CCDC171: variants seen among roughly 807,000 people sequenced by gnomAD.
The protein encoded by CCDC171 is coiled-coil domain-containing protein 171.
CCDC171 carries 177 observed loss-of-function variants against 168.2 expected under a neutral mutation model. The observed-to-expected ratio is 1.05, with a 90% CI of 0.93 to 1.19. The LOEUF is 1.19. CCDC171 is among the 50% of genes most tolerant of loss of function. The pLI, the probability that CCDC171 is intolerant of heterozygous loss-of-function variation, is 0.00. For missense variants in CCDC171, 1,991 were observed against 1,539.0 expected, an observed-to-expected ratio of 1.29 and a Z score of -4.91; for synonymous variants, 687 against 540.8, an observed-to-expected ratio of 1.27 and a Z score of -3.75.
chr9:15,914,119 G>T (rs1824129347), intron 24 of CCDC171, among the ~76,000 whole-genome samples: 2 of 152,188 alleles, frequency 1.3e-5, no homozygotes, highest in Non-Finnish European at 2.9e-5. Context: ...GATGCATGGG[G>T]GTCAGGGACC....
At chr9:15,683,497 C>A (rs1290666542) in intron 10 of CCDC171, among the ~76,000 whole-genome samples, 2 of 151,612 alleles carry the variant, frequency 1.3e-5, no homozygotes, top group African/African-American at 4.8e-5. Context: ...TGTTTTTCAC[C>A]AAGAATAGGA....
chr9:15,970,099 G>A (rs919835607), intron 25 of CCDC171, among the ~76,000 whole-genome samples: 1 of 152,034 alleles, frequency 6.6e-6, no homozygotes, highest in South Asian at 2.1e-4. Context: ...GATGATTTCC[G>A]TCAGCTATTG....
rs59883669 is a variant in CCDC171 at position 15,677,925 on chromosome 9, T to TATATATATATATATATATA, written c.1077-832_1077-831insTATATATATATATATATAA. Among the ~76,000 whole-genome samples, 15 of 41,864 alleles carry TATATATATATATATATATA rather than the reference T, an allele frequency of 3.6e-4. 4 individuals are homozygous for TATATATATATATATATATA. Among genetic ancestry groups the TATATATATATATATATATA allele is most frequent in the East Asian group, 2.9e-3 (2 of 686 alleles). 27.5% of individuals were successfully genotyped at this position (41,864 alleles called of 152,430 possible). Reference sequence around the variant, plus strand: ...ATATATATATATATATATATATATATAAGAGATGTGGTCTCATTCTGTTAC... The same window carrying TATATATATATATATATATA: ...ATATATATATATATATATATATATATATATATATATATATATATAAAGAGATGTGGTCTCATTCTGTTAC... On this transcript the variant is annotated intron_variant, in intron 9 of 25. Coordinates refer to ENST00000380701, the MANE Select transcript of CCDC171 (RefSeq NM_173550.4).
At chr9:15,719,070 TTAAAGAAATTTAATA>T (rs2053281441) in intron 11 of CCDC171, among the ~76,000 whole-genome samples, 1 of 152,044 alleles carries the variant, frequency 6.6e-6, no homozygotes, top group South Asian at 2.1e-4. Context: ...TTGAGGAAAT[TTAAAGAAATTTAATA>T]TAACACAGAG....
At chr9:16,074,222 A>G in the CCDC171 span, among the ~76,000 whole-genome samples, 1 of 152,142 alleles carries the variant, frequency 6.6e-6, no homozygotes, top group East Asian at 1.9e-4. Context: ...ACACCCATCT[A>G]CTACCATCCA....
At chr9:15,594,316 C>G in intron 6 of CCDC171, 144 bp downstream of exon 6, 1 of 565,686 alleles carries the variant, frequency 1.8e-6, no homozygotes. Context: ...TTTGCTGTTA[C>G]ATGACAATAG....
intron 6 of CCDC171, among the ~76,000 whole-genome samples, chr9:15,604,424 A>G (rs192342146): frequency 6.6e-6 from 1 of 152,266 alleles, no homozygotes; most frequent in Non-Finnish European, 1.5e-5. Context: ...TTTCACGTAT[A>G]CTTTATCAGT....
chr9:15,835,874 T>C (rs892934516), intron 21 of CCDC171, among the ~76,000 whole-genome samples: 1 of 152,182 alleles, frequency 6.6e-6, no homozygotes, highest in Admixed American at 6.5e-5. Flanking sequence ...ACATGCATAT[T>C]AGTAATTTAT....
rs534177462 is a variant in CCDC171, at chr9:15,790,483, A to C, written c.3267+5789A>C. On this transcript the variant is annotated intron_variant, in intron 21 of 25. Transcript: ENST00000380701. The stretch of plus-strand genomic sequence containing the variant: ...GTAAATTTGTTTGAGTTCTTTATAG[A>C]TTCTGGATATTAGCCCTTTGTCAGA... 7.2e-5 allele frequency among the ~76,000 whole-genome samples: 11 copies of C among 152,210 alleles called. No individual in the cohort carries two copies. The East Asian group carries it at 1.4e-3, about 19-fold the overall frequency.
chr9:15,686,581 C>G (rs1347910807), intron 10 of CCDC171, among the ~76,000 whole-genome samples: 1 of 151,384 alleles, frequency 6.6e-6, no homozygotes, highest in African/African-American at 2.4e-5. Flanking sequence ...AAAAATATAC[C>G]ATGCACCCAA....
At chr9:15,715,783 A>G (rs2053037541) in intron 11 of CCDC171, among the ~76,000 whole-genome samples, 1 of 152,210 alleles carries the variant, frequency 6.6e-6, no homozygotes, top group Non-Finnish European at 1.5e-5. Context: ...TTTCTGTAGA[A>G]CTATGGATTA....
At chr9:15,830,112 A>C (rs1024598932) in intron 21 of CCDC171, among the ~76,000 whole-genome samples, 2 of 152,160 alleles carry the variant, frequency 1.3e-5, no homozygotes, top group African/African-American at 4.8e-5. Context: ...TACCCATAAA[A>C]ATCCTTGCTG....
the CCDC171 span, among the ~76,000 whole-genome samples, chr9:16,067,410 G>T: frequency 6.6e-6 from 1 of 152,088 alleles, no homozygotes; most frequent in African/African-American, 2.4e-5. Flanking sequence ...CATTTTGTAG[G>T]TTTCCTGTTC....
At chr9:15,823,605 T>C (rs1003485372) in intron 21 of CCDC171, among the ~76,000 whole-genome samples, 1 of 152,062 alleles carries the variant, frequency 6.6e-6, no homozygotes, top group African/African-American at 2.4e-5. Flanking sequence ...AGAAAAATAA[T>C]TGCAAAGAAC....
At chr9:15,811,691 G>C (rs1165821692) in intron 21 of CCDC171, among the ~76,000 whole-genome samples, 2 of 152,062 alleles carry the variant, frequency 1.3e-5, no homozygotes, top group Non-Finnish European at 2.9e-5. Flanking sequence ...ATCCTTAGGA[G>C]ACCTCAGATT....
chr9:15,627,514 T>C (rs558579896), intron 7 of CCDC171, among the ~76,000 whole-genome samples: 5 of 152,330 alleles, frequency 3.3e-5, no homozygotes, highest in Admixed American at 3.3e-4. Context: ...TCTGGTATGT[T>C]GTGTCTTTGT....
chr9:16,068,036 A>T, the CCDC171 span, among the ~76,000 whole-genome samples: 1 of 151,292 alleles, frequency 6.6e-6, no homozygotes, highest in African/African-American at 2.4e-5. Flanking sequence ...TGCAGACGAC[A>T]TGATTGTATA....
At chr9:15,898,024 A>C (rs1821132717) in intron 24 of CCDC171, among the ~76,000 whole-genome samples, 1 of 152,158 alleles carries the variant, frequency 6.6e-6, no homozygotes, top group African/African-American at 2.4e-5. Context: ...CATTATTGGA[A>C]GGCAGCTATA....
At chr9:15,671,497 A>G (rs1372714532) in intron 9 of CCDC171, among the ~76,000 whole-genome samples, 1 of 151,668 alleles carries the variant, frequency 6.6e-6, no homozygotes, top group African/African-American at 2.4e-5. Context: ...TCCTAATGCT[A>G]TCCCTCCCCC....
Sources: allele counts gnomAD v4.1 joint callset (sites outside exome capture counted in the v4.1 genomes callset), GRCh38; gene constraint gnomAD v4.1.1; transcripts MANE v1.5; gene names NCBI Gene and HGNC (gene_info 2026-07-23, HGNC 2026-07-21).